CDH23: variants seen among roughly 807,000 people sequenced by gnomAD.
CDH23 encodes cadherin-23.
In CDH23, 189 loss-of-function variants were observed where a neutral mutation model predicts 317.1. The observed-to-expected ratio is 0.60, with a 90% CI of 0.53 to 0.67. The LOEUF is 0.67. Ranked by LOEUF, CDH23 falls within the 30% of genes least tolerant of loss-of-function variation. The pLI is 0.00. For synonymous variants in CDH23, 1,839 were observed against 1,876.8 expected (o/e 0.98, Z 0.52); for missense variants, 4,401 against 4,592.4 (o/e 0.96, Z 1.20).
chr10:71,645,074 G>C lies in CDH23; in HGVS notation c.1141-757G>C, dbSNP rs563366060. On this transcript the variant is annotated intron_variant, in intron 12 of 69. Transcript: ENST00000224721. ...TGCTTTCTGTGAGGAGAGTCAGGTA[G>C]CATCTGAGGGGCTCTGTGAGCCACA... Among the ~76,000 whole-genome samples the C allele has an allele frequency of 1.4e-4, 22 of 152,382 alleles. 1 individual carries two copies. In the South Asian group the frequency reaches 4.6e-3, roughly 32 times the overall value.
chr10:71,763,385 C>T (rs1278500498), intron 38 of CDH23, among the ~76,000 whole-genome samples: 2 of 152,320 alleles, frequency 1.3e-5, no homozygotes, highest in South Asian at 2.1e-4. Context: ...GAACTATGTA[C>T]AGAATCCAAA....
At chr10:71,445,432 C>T (rs1850107521) in intron 2 of CDH23, among the ~76,000 whole-genome samples, 1 of 152,220 alleles carries the variant, frequency 6.6e-6, no homozygotes, top group South Asian at 2.1e-4. Flanking sequence ...AGGGTTCCAC[C>T]CGTCAACCAA....
At chr10:71,629,867 G>T (rs1163657052) in intron 11 of CDH23, among the ~76,000 whole-genome samples, 1 of 152,110 alleles carries the variant, frequency 6.6e-6, no homozygotes. Flanking sequence ...TTCATTTGTG[G>T]GGGACACAAA....
At chr10:71,565,823 G>C (rs764151726) in intron 6 of CDH23, among the ~76,000 whole-genome samples, 6 of 152,198 alleles carry the variant, frequency 3.9e-5, no homozygotes, top group Admixed American at 3.3e-4. Context: ...ACACAACAAG[G>C]CTGGGATTCC....
intron 38 of CDH23, chr10:71,760,812 G>C (rs1840361516): frequency 1.2e-5 from 18 of 1,544,650 alleles, no homozygotes; most frequent in Non-Finnish European, 1.3e-5. Flanking sequence ...TCTGGGTGCA[G>C]GATGAGGACA....
At chr10:71,606,957 G>T (rs1165442002) in intron 9 of CDH23, among the ~76,000 whole-genome samples, 1 of 152,182 alleles carries the variant, frequency 6.6e-6, no homozygotes. Context: ...GTTGAAAGCC[G>T]AGGTAACCCA....
chr10:71,808,220 T>G (rs970357466), intron 60 of CDH23, among the ~76,000 whole-genome samples: 1 of 152,208 alleles, frequency 6.6e-6, no homozygotes, highest in African/African-American at 2.4e-5. Context: ...AGCCCTTTCT[T>G]TTCATTCTCT....
In CDH23 at chr10:71,416,415, C is replaced by G. The variant is rs150306604; in HGVS notation, c.-6+19097C>G. On this transcript the variant is annotated intron_variant, in intron 1 of 69. Coordinates refer to ENST00000224721, the MANE Select transcript of CDH23 (RefSeq NM_022124.6). ...TTGGAACACTTTAACTCCACTTACT[C>G]CATTTCTACCTTTAGTGTTAGTGGT... Among the ~76,000 whole-genome samples, 1,495 of 152,284 alleles carry G rather than the reference C, an allele frequency of 9.8e-3. 6 individuals are homozygous for G. The highest frequency in any genetic ancestry group is 0.02 in the Middle Eastern group (6 of 294).
At chr10:71,812,418 G>T in intron 66 of CDH23, 62 bp from the exon 67 acceptor site, 2 of 1,610,116 alleles carry the variant, frequency 1.2e-6, no homozygotes, top group Non-Finnish European at 8.5e-7. Context: ...GGTGAGGCTG[G>T]AAGGGCACCT....
chr10:71,745,557 G>A (rs1328380320), intron 38 of CDH23, among the ~76,000 whole-genome samples: 1 of 152,196 alleles, frequency 6.6e-6, no homozygotes, highest in Non-Finnish European at 1.5e-5. Flanking sequence ...TGGGGATGGG[G>A]CAGAGCTAGC....
At chr10:71,763,390 T>A (rs1840447282) in intron 38 of CDH23, among the ~76,000 whole-genome samples, 1 of 152,176 alleles carries the variant, frequency 6.6e-6, no homozygotes, top group Admixed American at 6.5e-5. Context: ...ATGTACAGAA[T>A]CCAAACTGAT....
Position 71,692,280 on chromosome 10 carries a change from C to A in CDH23, c.2176+1696C>A, listed in dbSNP as rs556861200. On this transcript the variant is annotated intron_variant, in intron 20 of 69. Transcript: ENST00000224721. ...GAGTAGCTCCCTGGCCTTTTAGCCA[C>A]CCCCGCCCTTGCCTCCCCAGTCGGG... Among the ~76,000 whole-genome samples the A allele has an allele frequency of 2.4e-3, 373 of 152,310 alleles. 1 individual carries two copies. Among genetic ancestry groups the A allele is most frequent in the African/African-American group, 8.7e-3 (360 of 41,574 alleles).
chr10:71,690,377 C>A, intron 19 of CDH23, 91 bp from the exon 20 acceptor site: 1 of 900,662 alleles, frequency 1.1e-6, no homozygotes, highest in Non-Finnish European at 1.7e-6. Flanking sequence ...TCCTCTTGGG[C>A]CAGCGCAAAT....
At chr10:71,524,523 C>G (rs551987697) in intron 6 of CDH23, among the ~76,000 whole-genome samples, 1 of 152,156 alleles carries the variant, frequency 6.6e-6, no homozygotes, top group South Asian at 2.1e-4. Flanking sequence ...TGGAGGAAAT[C>G]GCGTCATCTA....
At chr10:71,648,347 TG>T (rs1862997326) in intron 14 of CDH23, among the ~76,000 whole-genome samples, 1 of 152,104 alleles carries the variant, frequency 6.6e-6, no homozygotes, top group Non-Finnish European at 1.5e-5. Context: ...TTCGAAGGAC[TG>T]GGTAAAAGGC....
In CDH23 at chr10:71,725,072, G is replaced by A. The variant is rs1021794533; in HGVS notation, c.3431-300G>A. Among the ~76,000 whole-genome samples the A allele has an allele frequency of 2.6e-5, 4 of 152,114 alleles. No individual in the cohort carries two copies. The East Asian group carries it at 5.8e-4, about 22-fold the overall frequency. On this transcript the variant is annotated intron_variant, in intron 29 of 69. Transcript: ENST00000224721. Reference sequence around the variant, plus strand: ...ACATCTGTGGGTGTAGGAGCAGGGCGAGGGGGACCAGCAGGAGCCCCACCT... The same window carrying A: ...ACATCTGTGGGTGTAGGAGCAGGGCAAGGGGGACCAGCAGGAGCCCCACCT...
At chr10:71,782,559 TG>T (rs968425456) in intron 41 of CDH23, among the ~76,000 whole-genome samples, 7 of 152,234 alleles carry the variant, frequency 4.6e-5, no homozygotes, top group African/African-American at 1.7e-4. Context: ...TGGGGAAGTC[TG>T]GCCCCAGAGC....
intron 3 of CDH23, chr10:71,508,077 C>A (rs1247723718): frequency 1.3e-5 from 2 of 152,230 alleles, no homozygotes; most frequent in African/African-American, 4.8e-5. Context: ...GCTGTTTGAC[C>A]TTGGAGAAGC....
chr10:71,427,195 GAGAA>G (rs373672706), intron 1 of CDH23, among the ~76,000 whole-genome samples: 1,086 of 98,892 alleles, frequency 0.011, 16 homozygotes, highest in Middle Eastern at 0.027. Context: ...AGGAAGGAAA[GAGAA>G]AGAAAGAAAG....
Sources: gnomAD v4.1 joint callset for allele counts (sites outside exome capture counted in the v4.1 genomes callset) on GRCh38, gnomAD v4.1.1 for gene constraint, MANE v1.5 for transcripts, NCBI Gene and HGNC (gene_info 2026-07-23, HGNC 2026-07-21) for gene names.